The following NOL11 variants were observed in gnomAD, a reference collection of about 807,000 sequenced individuals.
The protein encoded by NOL11 is nucleolar protein 11.
Under a neutral mutation model 93.0 loss-of-function variants are expected in NOL11, and 42 were observed. The ratio of observed to expected loss-of-function variants is 0.45; its 90% CI spans 0.35 to 0.58. The LOEUF (loss-of-function observed/expected upper bound fraction) is 0.58, where lower values mean the gene tolerates loss of function less well. Ranked by LOEUF, NOL11 falls within the 20% of genes least tolerant of loss-of-function variation. The pLI is 0.00. For missense variants in NOL11, 775 were observed against 841.8 expected, an observed-to-expected ratio of 0.92 and a Z score of 0.98; for synonymous variants, 296 against 293.7, an observed-to-expected ratio of 1.01 and a Z score of -0.08.
At position 67,739,112 on chromosome 17, in the gene NOL11, T is replaced by C. The variant is rs1599048409; in HGVS notation, c.1842+102T>C. ...GCATTCTAAAGGTTATGAAATTCTT[T>C]CATGTGAATAAGAGGTTGCCCAGCT... On this transcript the variant is annotated intron_variant, in intron 15 of 17. Transcript: ENST00000253247. 1.9e-5 allele frequency: 17 copies of C among 884,170 alleles called. No individual in the cohort carries two copies. The East Asian group carries it at 4.2e-4, about 22-fold the overall frequency. The allele number at this position is 884,170 out of a possible 1,614,324, so 54.8% of individuals were successfully genotyped here.
intron 6 of NOL11, among the ~76,000 whole-genome samples, chr17:67,725,923 A>T (rs1224153677): frequency 6.6e-6 from 1 of 151,950 alleles, no homozygotes; most frequent in East Asian, 1.9e-4. Flanking sequence ...CTAAAAGAAA[A>T]TTTTTTTTAA....
At chr17:67,736,880 C>A in intron 10 of NOL11, 126 bp downstream of exon 10, 1 of 776,064 alleles carries the variant, frequency 1.3e-6, no homozygotes, top group Non-Finnish European at 2.1e-6. Context: ...GGACAGTTTG[C>A]GGCTTGAACC....
chr17:67,731,887 A>G (rs768950049), intron 7 of NOL11, among the ~76,000 whole-genome samples: 8 of 152,286 alleles, frequency 5.3e-5, no homozygotes, highest in Non-Finnish European at 1.2e-4. Flanking sequence ...ATCAGTTTGG[A>G]AATCAGGAAG....
intron 13 of NOL11, 58 bp from the exon 14 acceptor site, chr17:67,738,064 A>C: frequency 3.2e-6 from 5 of 1,550,834 alleles, no homozygotes; most frequent in Non-Finnish European, 4.4e-6. Flanking sequence ...AGGAAATGAA[A>C]TTTTTCCCAA....
chr17:67,736,824 A>G, intron 10 of NOL11, 70 bp downstream of exon 10: 1 of 1,145,654 alleles, frequency 8.7e-7, no homozygotes, highest in Admixed American at 2.0e-5. Context: ...GAATTATTTT[A>G]ATGAATCATA....
rs1335044465 is a variant in NOL11, at chr17:67,726,573, C to G, written c.778C>G (p.Arg260Gly). Residue 260 changes from arginine to glycine, a missense_variant, in exon 7 of 18, where the codon CGA becomes GGA. Physicochemically the swap from Arg to Gly is moderately radical, Grantham distance 125. This residue lies in a region of NOL11 where 359 missense variants were observed against 316.5 expected (regional missense o/e 1.13). Coordinates refer to ENST00000253247, the MANE Select transcript of NOL11 (RefSeq NM_015462.5). Reference sequence around the variant, plus strand: ...CAAGGCTGTTGTATCTGGTAACGCTCGAAATGGAGTTGCACTCACTGCCCT... The same window carrying G: ...CAAGGCTGTTGTATCTGGTAACGCTGGAAATGGAGTTGCACTCACTGCCCT... ...LLKAVVSGNA[R>G]NGVALTALDQ... 3 of 1,614,068 alleles carry G rather than the reference C, an allele frequency of 1.9e-6. No homozygotes were observed. Among genetic ancestry groups the G allele is most frequent in the Non-Finnish European group, 1.7e-6 (2 of 1,179,994 alleles).
At chr17:67,722,466 T>G in intron 4 of NOL11, 114 bp from the exon 5 acceptor site, 1 of 1,436,826 alleles carries the variant, frequency 7.0e-7, no homozygotes, top group Non-Finnish European at 9.2e-7. Context: ...TTCTCTGATG[T>G]CTTTCTGGTT....
intron 3 of NOL11, 49 bp downstream of exon 3, chr17:67,720,011 A>G (rs1471612229): frequency 1.4e-6 from 2 of 1,475,066 alleles, no homozygotes; most frequent in East Asian, 4.6e-5. Context: ...TTGGTGAATT[A>G]GAATCATTCA....
At chr17:67,726,989 A>T (rs897300267) in intron 7 of NOL11, 2 of 166,908 alleles carry the variant, frequency 1.2e-5, no homozygotes, top group African/African-American at 4.8e-5. Context: ...GCAACATTTC[A>T]CATCATGGAA....
At chr17:67,728,192 A>G (rs1354736391) in intron 7 of NOL11, among the ~76,000 whole-genome samples, 4 of 152,198 alleles carry the variant, frequency 2.6e-5, no homozygotes, top group South Asian at 2.1e-4. Flanking sequence ...CCTGGGAGGC[A>G]GAGCTTGCAG....
intron 10 of NOL11, 138 bp from the exon 11 acceptor site, chr17:67,736,933 T>G (rs945857941): frequency 1.4e-6 from 1 of 730,746 alleles, no homozygotes; most frequent in African/African-American, 1.8e-5. Context: ...CCATGTTGTC[T>G]ATTAGTTATA....
chr17:67,719,090 T>C (rs2043197983), intron 1 of NOL11: 1 of 152,188 alleles, frequency 6.6e-6, no homozygotes, highest in Admixed American at 6.5e-5. Context: ...AGTTATATTT[T>C]CATTTTAACT....
Position 67,739,574 on chromosome 17 carries a change from C to T in NOL11, c.1901C>T (p.Thr634Ile). 1 of 1,600,730 alleles carries T rather than the reference C, an allele frequency of 6.2e-7. No individual in the cohort carries two copies. Among genetic ancestry groups the T allele is most frequent in the East Asian group, 2.3e-5 (1 of 44,312 alleles). The change falls in exon 16 of 18, where the codon ACT becomes ATT. Residue 634 changes from threonine to isoleucine, a missense_variant. Coordinates refer to ENST00000253247, the MANE Select transcript of NOL11 (RefSeq NM_015462.5). ...YLKCSENATM[T>I]LPGIHPPTLN... ...AAGTGTAGCGAAAATGCTACTATGA[C>T]TCTTCCTGGAATACACCCACCTACC...
intron 16 of NOL11, among the ~76,000 whole-genome samples, chr17:67,741,704 T>A (rs1312030082): frequency 6.6e-6 from 1 of 152,066 alleles, no homozygotes; most frequent in Non-Finnish European, 1.5e-5. Flanking sequence ...CCTGAGTAGC[T>A]GGGATTATAG....
At chr17:67,743,340 T>A (rs1431749684) in intron 16 of NOL11, 139 bp from the exon 17 acceptor site, 1 of 454,632 alleles carries the variant, frequency 2.2e-6, no homozygotes, top group Non-Finnish European at 3.9e-6. Context: ...TAGAAATTGC[T>A]CCATCTCTAA....
At chr17:67,721,099 C>T (rs530417794) in intron 3 of NOL11, among the ~76,000 whole-genome samples, 1 of 152,148 alleles carries the variant, frequency 6.6e-6, no homozygotes, top group African/African-American at 2.4e-5. Flanking sequence ...TTTTAAGAAA[C>T]CCAGGTTTTA....
chr17:67,740,796 A>G (rs9906731), intron 16 of NOL11: 3,380 of 154,678 alleles, frequency 0.022, 151 homozygotes, highest in African/African-American at 0.077. Context: ...ACCATCCCAC[A>G]TAGAAGCAGT....
intron 7 of NOL11, among the ~76,000 whole-genome samples, chr17:67,728,057 A>G (rs954832561): frequency 3.3e-5 from 5 of 152,108 alleles, no homozygotes; most frequent in East Asian, 1.9e-4. Flanking sequence ...TCAGCAGATC[A>G]AGACCATCCT....
At position 67,724,203 on chromosome 17, in the gene NOL11, C is replaced by A. The variant is rs1599036818; in HGVS notation, c.664+10C>A. 3 of 1,505,148 alleles carry A rather than the reference C, an allele frequency of 2.0e-6. No individual in the cohort carries two copies. Among genetic ancestry groups the A allele is most frequent in the Non-Finnish European group, 2.7e-6 (3 of 1,107,770 alleles). The allele number at this position is 1,505,148 out of a possible 1,614,324, so 93.2% of individuals were successfully genotyped here. On this transcript the variant is annotated intron_variant, in intron 6 of 17. Coordinates refer to ENST00000253247, the MANE Select transcript of NOL11 (RefSeq NM_015462.5). The stretch of plus-strand genomic sequence containing the variant: ...TCTTTGATGTCATTAAGTAAGTTTT[C>A]TTTCTTTAAACTTTCAGAGATTATA...
Sources: allele counts gnomAD v4.1 joint callset (sites outside exome capture counted in the v4.1 genomes callset), GRCh38; gene constraint gnomAD v4.1.1; regional missense constraint gnomAD v4.1.1; transcripts MANE v1.5; gene names NCBI Gene and HGNC (gene_info 2026-07-23, HGNC 2026-07-21).